The following LACTB2 variants were observed in gnomAD, a reference collection of about 807,000 sequenced individuals.
LACTB2 encodes endoribonuclease LACTB2.
Under a neutral mutation model 34.8 loss-of-function variants are expected in LACTB2, and 32 were observed. The ratio of observed to expected loss-of-function variants is 0.92; its 90% CI spans 0.69 to 1.24. LACTB2 has a LOEUF of 1.24. Ranked by LOEUF, LACTB2 falls within the 50% of genes most tolerant of loss-of-function variation. LACTB2 has a pLI of 0.00. For missense variants in LACTB2, 320 were observed against 345.0 expected (o/e 0.93, Z 0.57); for synonymous variants, 120 against 117.5 (o/e 1.02, Z -0.14).
chr8:70,660,322 A>T (rs1025127614), intron 2 of LACTB2: 6 of 296,440 alleles, frequency 2.0e-5, no homozygotes, highest in African/African-American at 1.3e-4. Context: ...AAATTAAAAG[A>T]GGTAAGACAA....
chr8:70,660,721 T>A, intron 2 of LACTB2: 1 of 456,428 alleles, frequency 2.2e-6, no homozygotes, highest in Non-Finnish European at 4.4e-6. Flanking sequence ...TTCTCCACTT[T>A]ACGCTCTCTT....
intron 4 of LACTB2, 112 bp from the exon 5 acceptor site, chr8:70,641,162 T>C (rs1285976897): frequency 3.0e-6 from 3 of 996,504 alleles, no homozygotes; most frequent in Non-Finnish European, 4.2e-6. Flanking sequence ...TGAAAAAGCA[T>C]ACTAAATGTC....
At chr8:70,640,350 T>G (rs985539477) in intron 5 of LACTB2, among the ~76,000 whole-genome samples, 3 of 152,152 alleles carry the variant, frequency 2.0e-5, no homozygotes, top group African/African-American at 7.2e-5. Context: ...TTATACTGAC[T>G]GCTATATAGT....
chr8:70,641,015 T>G lies in LACTB2; in HGVS notation c.628A>C (p.Ile210Leu). The change falls in exon 5 of 7, where the codon ATT (isoleucine) becomes CTT (leucine). Residue 210 changes from isoleucine (I) to leucine (L), a missense_variant. Ile to Leu is a conservative substitution (Grantham distance 5). Coordinates refer to ENST00000276590, the MANE Select transcript of LACTB2 (RefSeq NM_016027.3). The stretch of plus-strand genomic sequence containing the variant: ...TTTCTGTGAGAAATGTATTGTTGAA[T>G]TTTAGCTTCAGCATTATGAATTACT... ...GPVIHNAEAK[I>L]QQYISHRNIR... 1.2e-6 allele frequency: 2 copies of G among 1,605,104 alleles called. No individual in the cohort carries two copies. Among genetic ancestry groups the G allele is most frequent in the Non-Finnish European group, 1.7e-6 (2 of 1,177,468 alleles).
intron 3 of LACTB2, among the ~76,000 whole-genome samples, chr8:70,656,360 T>A (rs1327603292): frequency 6.6e-6 from 1 of 152,250 alleles, no homozygotes; most frequent in Non-Finnish European, 1.5e-5. Context: ...GATTTTTGTA[T>A]AAGGTGAGAG....
intron 3 of LACTB2, among the ~76,000 whole-genome samples, chr8:70,647,066 G>T (rs1016966610): frequency 8.5e-5 from 13 of 152,092 alleles, no homozygotes; most frequent in African/African-American, 3.1e-4. Context: ...ACTACTTTGG[G>T]TTGGGCATTA....
intron 3 of LACTB2, among the ~76,000 whole-genome samples, chr8:70,655,220 A>T (rs978964970): frequency 5.8e-5 from 8 of 137,282 alleles, no homozygotes; most frequent in African/African-American, 1.9e-4. Flanking sequence ...ATTAATTCCT[A>T]TTTTTTTTTT....
At chr8:70,639,641 A>G (rs901316149) in intron 5 of LACTB2, among the ~76,000 whole-genome samples, 1 of 152,060 alleles carries the variant, frequency 6.6e-6, no homozygotes, top group African/African-American at 2.4e-5. Flanking sequence ...ATATCTTTGT[A>G]TATTTTAATT....
chr8:70,653,641 G>C (rs1818373772), intron 3 of LACTB2: 1 of 152,202 alleles, frequency 6.6e-6, no homozygotes, highest in African/African-American at 2.4e-5. Flanking sequence ...GCCTATATCA[G>C]AGAATGGCTA....
intron 3 of LACTB2, among the ~76,000 whole-genome samples, chr8:70,644,556 C>CA (rs1284978699): frequency 6.6e-6 from 1 of 152,170 alleles, no homozygotes; most frequent in East Asian, 1.9e-4. Context: ...ACTGCAGGCT[C>CA]AATCTTCTGG....
intron 1 of LACTB2, among the ~76,000 whole-genome samples, chr8:70,663,527 T>C (rs1818504400): frequency 6.6e-6 from 1 of 152,214 alleles, no homozygotes; most frequent in Admixed American, 6.5e-5. Context: ...GCATTTATTA[T>C]AGGGTTCTGT....
intron 3 of LACTB2, among the ~76,000 whole-genome samples, chr8:70,645,315 C>T (rs778415650): frequency 3.0e-4 from 45 of 152,100 alleles, no homozygotes; most frequent in Non-Finnish European, 8.8e-5. Flanking sequence ...GACAAGGTCT[C>T]TTTATGTTGC....
chr8:70,656,085 C>T (rs1818408468), intron 3 of LACTB2, among the ~76,000 whole-genome samples: 1 of 151,934 alleles, frequency 6.6e-6, no homozygotes, highest in African/African-American at 2.4e-5. Flanking sequence ...GGATATTAGT[C>T]CTTTGTCAGA....
chr8:70,668,649 C>T (rs1818570595), intron 1 of LACTB2, among the ~76,000 whole-genome samples: 1 of 152,038 alleles, frequency 6.6e-6, no homozygotes, highest in South Asian at 2.1e-4. Context: ...AAAGTAAACG[C>T]TTTCTTGGAC....
Position 70,661,878 on chromosome 8 carries a change from C to T in LACTB2, c.142G>A (p.Gly48Arg). The change falls in exon 2 of 7, where the codon GGA (glycine) becomes AGA (arginine). Residue 48 changes from glycine to arginine, a missense_variant. Physicochemically the swap from Gly to Arg is moderately radical, Grantham distance 125. Coordinates refer to ENST00000276590, the MANE Select transcript of LACTB2 (RefSeq NM_016027.3). ...ATGTATTCTGGAATTGCTGGTTCTC[C>T]AGTGTCAATGAGGATTCTCCTGAAA... is the stretch of plus-strand genomic sequence containing the variant. ...TGPRRILIDT[G>R]EPAIPEYISC... The T allele has an allele frequency of 6.2e-7, 1 of 1,609,252 alleles. No homozygotes were observed. The highest frequency in any genetic ancestry group is 8.5e-7 in the Non-Finnish European group (1 of 1,178,442).
chr8:70,644,003 A>G, intron 4 of LACTB2, 62 bp downstream of exon 4: 2 of 1,370,620 alleles, frequency 1.5e-6, no homozygotes, highest in Non-Finnish European at 1.9e-6. Context: ...CCTGGAAAAC[A>G]TAGCAAGACC....
rs780641230 is a variant in LACTB2 at position 70,657,829 on chromosome 8, T to C, written c.340A>G (p.Ile114Val). 91 of 1,611,264 alleles carry C rather than the reference T, an allele frequency of 5.6e-5. 1 individual carries two copies. Among genetic ancestry groups the C allele is most frequent in the Non-Finnish European group, 7.0e-5 (82 of 1,177,632 alleles). ...ACATATTGTTGCTCTCCATTTCCTA[T>C]AATTTCTTCTCTCTGAGGATTCCGT... Reference protein sequence around the residue: ...LPRNPQREEIIGNGEQQYVYL... With the variant: ...LPRNPQREEIVGNGEQQYVYL... Residue 114 changes from isoleucine to valine, a missense_variant, in exon 3 of 7, where the codon ATA (isoleucine) becomes GTA (valine). By Grantham distance (29) the Ile-to-Val change is conservative. Transcript: ENST00000276590.
intron 1 of LACTB2, among the ~76,000 whole-genome samples, chr8:70,664,201 T>A (rs1818512908): frequency 6.6e-6 from 1 of 152,178 alleles, no homozygotes; most frequent in South Asian, 2.1e-4. Flanking sequence ...AGGCTCAAAT[T>A]TTTTCAATCC....
chr8:70,667,220 A>G (rs923217128), intron 1 of LACTB2, among the ~76,000 whole-genome samples: 2 of 152,252 alleles, frequency 1.3e-5, no homozygotes, highest in Non-Finnish European at 2.9e-5. Context: ...GGAGTCGTCA[A>G]TGGTGTCAAA....
Sources: gnomAD v4.1 joint callset for allele counts (sites outside exome capture counted in the v4.1 genomes callset) on GRCh38, gnomAD v4.1.1 for gene constraint, MANE v1.5 for transcripts, NCBI Gene and HGNC (gene_info 2026-07-23, HGNC 2026-07-21) for gene names.